BIRC6: variants seen among roughly 807,000 people sequenced by gnomAD.
BIRC6 encodes baculoviral IAP repeat containing 6.
In BIRC6, 98 loss-of-function variants were observed where a neutral mutation model predicts 503.3. The ratio of observed to expected loss-of-function variants is 0.19; its 90% CI spans 0.17 to 0.23. The LOEUF (loss-of-function observed/expected upper bound fraction) is 0.23. BIRC6 is among the 10% of genes least tolerant of loss of function. The pLI is 1.00. For synonymous variants in BIRC6, 2,240 were observed against 2,078.7 expected (o/e 1.08, Z -2.11); for missense variants, 5,360 against 5,806.0 (o/e 0.92, Z 2.50).
At chr2:32,529,558 T>C in intron 59 of BIRC6, 93 bp from the exon 60 acceptor site, 1 of 1,188,996 alleles carries the variant, frequency 8.4e-7, no homozygotes, top group African/African-American at 1.6e-5. Context: ...AGAATCAAAC[T>C]CTTGCCTGTA....
At chr2:32,473,706 C>CTTGT (rs1491452408) in intron 33 of BIRC6, among the ~76,000 whole-genome samples, 2 of 72,670 alleles carry the variant, frequency 2.8e-5, no homozygotes, top group Non-Finnish European at 4.9e-5. Flanking sequence ...TCTCCTTTTT[C>CTTGT]GTGTGTGTGT....
At chr2:32,426,699 T>C (rs1265166101) in intron 10 of BIRC6, among the ~76,000 whole-genome samples, 4 of 152,328 alleles carry the variant, frequency 2.6e-5, no homozygotes, top group Admixed American at 2.6e-4. Context: ...GAGAAAAACA[T>C]TTATTTATTA....
Position 32,395,603 on chromosome 2 carries a change from G to T in BIRC6, c.1034+10G>T. 6.3e-7 allele frequency: 1 copy of T among 1,596,922 alleles called. No individual in the cohort carries two copies. The highest frequency in any genetic ancestry group is 1.1e-5 in the South Asian group (1 of 90,688). ...CTACTGATGAACCTTGGTGAGTCTT[G>T]ATGTTTCTGGGCATAATAGGCTAAG... On this transcript the variant is annotated intron_variant, in intron 6 of 73. Transcript: ENST00000421745.
At chr2:32,421,293 G>A (rs971352786) in intron 10 of BIRC6, among the ~76,000 whole-genome samples, 2 of 151,766 alleles carry the variant, frequency 1.3e-5, no homozygotes, top group African/African-American at 4.8e-5. Flanking sequence ...TTTTAGAAGA[G>A]ACAGGGTCTC....
intron 8 of BIRC6, among the ~76,000 whole-genome samples, chr2:32,405,717 T>C (rs188849746): frequency 6.5e-4 from 99 of 152,290 alleles, no homozygotes; most frequent in African/African-American, 2.1e-3. Flanking sequence ...AAAATAAAAT[T>C]GCATGTACAT....
intron 40 of BIRC6, 42 bp from the exon 41 acceptor site, chr2:32,487,605 T>C (rs755092991): frequency 1.5e-5 from 23 of 1,577,982 alleles, no homozygotes; most frequent in Non-Finnish European, 1.7e-5. Flanking sequence ...ACACATATCC[T>C]GATACTTTAT....
intron 65 of BIRC6, among the ~76,000 whole-genome samples, chr2:32,556,597 C>A (rs1303495995): frequency 6.6e-6 from 1 of 151,934 alleles, no homozygotes; most frequent in South Asian, 2.1e-4. Context: ...GTTGTATTTC[C>A]GCTATATAAT....
At chr2:32,510,082 T>G in intron 52 of BIRC6, 88 bp downstream of exon 52, 1 of 1,418,892 alleles carries the variant, frequency 7.0e-7, no homozygotes, top group Non-Finnish European at 9.5e-7. Context: ...AACTCTGTTT[T>G]GGGAATTATT....
intron 23 of BIRC6, among the ~76,000 whole-genome samples, chr2:32,458,683 CTTT>C (rs1166608470): frequency 2.2e-5 from 2 of 89,458 alleles, no homozygotes; most frequent in Non-Finnish European, 4.3e-5. Context: ...ACTCTATTGC[CTTT>C]TTTTTTTTTT....
chr2:32,411,993 T>G (rs2041942361), intron 9 of BIRC6, among the ~76,000 whole-genome samples: 2 of 152,082 alleles, frequency 1.3e-5, no homozygotes, highest in Admixed American at 1.3e-4. Context: ...TTGCTGAGGC[T>G]GGTCTTGAAC....
chr2:32,374,625 AC>A (rs1429994201), intron 1 of BIRC6, among the ~76,000 whole-genome samples: 23 of 152,024 alleles, frequency 1.5e-4, no homozygotes, highest in Non-Finnish European at 5.9e-5. Context: ...GGCGCCCGCC[AC>A]CACGCCCGGC....
chr2:32,396,214 A>G (rs189090183), intron 6 of BIRC6, among the ~76,000 whole-genome samples: 95 of 152,200 alleles, frequency 6.2e-4, no homozygotes, highest in Non-Finnish European at 1.2e-3. Flanking sequence ...AGTAGGTACT[A>G]TTGTAATCTC....
Position 32,477,492 on chromosome 2 carries a change from A to G in BIRC6, c.6977A>G (p.Glu2326Gly), listed in dbSNP as rs780188443. 2.5e-6 allele frequency: 4 copies of G among 1,613,946 alleles called. No homozygotes were observed. The highest frequency in any genetic ancestry group is 1.6e-4 in the Middle Eastern group (1 of 6,062). Residue 2326 changes from glutamate (E) to glycine (G), a missense_variant, in exon 35 of 74, where the codon GAG (glutamate) becomes GGG (glycine). Around this residue, in one of 16 missense-constraint regions of BIRC6, gnomAD observed 2,299 missense variants for 2,267.2 expected, o/e 1.01. Coordinates refer to ENST00000421745, the MANE Select transcript of BIRC6 (RefSeq NM_016252.4). ...CCACTTCCATTTACTCTGGCCCATG[A>G]GCGTTGTATCTCAGTAGTCCAGAAA... Reference protein sequence around the residue: ...IEPLPFTLAHERCISVVQKLV... With the variant: ...IEPLPFTLAHGRCISVVQKLV...
intron 66 of BIRC6, among the ~76,000 whole-genome samples, chr2:32,581,712 A>G (rs548657234): frequency 1.3e-5 from 2 of 152,326 alleles, no homozygotes; most frequent in South Asian, 2.1e-4. Context: ...AAGCAGTACA[A>G]TCGGGAATAA....
intron 1 of BIRC6, among the ~76,000 whole-genome samples, chr2:32,363,692 C>T (rs1161987179): frequency 6.6e-6 from 1 of 152,140 alleles, no homozygotes; most frequent in Non-Finnish European, 1.5e-5. Context: ...CTTTTATGAA[C>T]TCACTACTTA....
At chr2:32,558,320 C>G (rs2058926289) in intron 65 of BIRC6, among the ~76,000 whole-genome samples, 1 of 151,896 alleles carries the variant, frequency 6.6e-6, no homozygotes, top group Admixed American at 6.6e-5. Flanking sequence ...AATTTATATA[C>G]AAAAAACTAC....
intron 66 of BIRC6, among the ~76,000 whole-genome samples, chr2:32,591,348 T>C (rs909479636): frequency 6.6e-6 from 1 of 152,208 alleles, no homozygotes; most frequent in Admixed American, 6.5e-5. Flanking sequence ...TATTTTTCTT[T>C]TACTTTTTCT....
Position 32,357,189 on chromosome 2 carries a change from C to A in BIRC6, c.28C>A (p.Pro10Thr). MVTGGGAAPPGTVTEPLPSV... is the reference protein window; with the variant it reads MVTGGGAAPTGTVTEPLPSV... ...GGTGACTGGTGGTGGTGCTGCACCT[C>A]CCGGGACTGTCACTGAGCCGCTTCC... Residue 10 changes from proline to threonine, a missense_variant, in exon 1 of 74, where the codon CCC becomes ACC. Pro to Thr is a conservative substitution (Grantham distance 38, BLOSUM62 -1). Around this residue, in one of 16 missense-constraint regions of BIRC6, gnomAD observed 145 missense variants for 106.9 expected, o/e 1.36. Transcript: ENST00000421745. This position sits in a 1 kb window ranked among gnomAD's most constrained non-coding sequence, Gnocchi z 4.9. 1 of 1,539,934 alleles carries A rather than the reference C, an allele frequency of 6.5e-7. No individual in the cohort carries two copies. Among genetic ancestry groups the A allele is most frequent in the African/African-American group, 1.4e-5 (1 of 69,988 alleles).
At chr2:32,377,546 G>T in intron 1 of BIRC6, 42 bp from the exon 2 acceptor site, 2 of 1,481,920 alleles carry the variant, frequency 1.3e-6, no homozygotes, top group Admixed American at 2.0e-5. Flanking sequence ...ATAGACCATT[G>T]GCCTGAAAAT....
Sources: allele counts gnomAD v4.1 joint callset (sites outside exome capture counted in the v4.1 genomes callset), GRCh38; gene constraint gnomAD v4.1.1; regional missense constraint gnomAD v4.1.1; non-coding constraint Gnocchi (gnomAD v3.1); transcripts MANE v1.5; gene names NCBI Gene and HGNC (gene_info 2026-07-23, HGNC 2026-07-21).